Variants in SPPL2A observed in about 807,000 individuals in gnomAD.
SPPL2A encodes signal peptide peptidase like 2A, also known as signal peptide peptidase-like 2A.
Under a neutral mutation model 63.8 loss-of-function variants are expected in SPPL2A, and 51 were observed. That is an observed-to-expected ratio of 0.80 (90% CI 0.64 to 1.01). SPPL2A has a LOEUF of 1.01. Among genes scored for constraint, SPPL2A ranks in the 50% least tolerant of loss-of-function variants. The probability of loss-of-function intolerance (pLI) is 0.00; values close to 1 mark genes in which losing one functional copy is unlikely to be tolerated. For missense variants in SPPL2A, 553 were observed against 622.7 expected (o/e 0.89, Z 1.19); for synonymous variants, 188 against 205.8 (o/e 0.91, Z 0.74).
chr15:50,725,525 G>A (rs1180282378), intron 11 of SPPL2A: 7 of 393,092 alleles, frequency 1.8e-5, no homozygotes, highest in Non-Finnish European at 3.2e-5. Flanking sequence ...CCGCCTCCCA[G>A]GTTCAAGCAA....
At position 50,703,356 on chromosome 15, in the gene SPPL2A, A is replaced by ATATATATTTTTTT. The variant is rs1196710672; in HGVS notation, c.*4443_*4444insAAAAAAATATATA. 1.3e-4 allele frequency: 8 copies of ATATATATTTTTTT among 62,042 alleles called. No homozygotes were observed. Among genetic ancestry groups the ATATATATTTTTTT allele is most frequent in the East Asian group, 1.0e-3 (2 of 1,916 alleles). The allele number at this position is 62,042 out of a possible 1,614,324, so 3.8% of individuals were successfully genotyped here. ...TATATATATATATATACATATATAT[A>ATATATATTTTTTT]TTTTTTTTTTTTTTTTTTTTTTTTG... On this transcript the variant is annotated 3_prime_UTR_variant, in exon 15 of 15. Coordinates refer to ENST00000261854, the MANE Select transcript of SPPL2A (RefSeq NM_032802.4).
intron 1 of SPPL2A, among the ~76,000 whole-genome samples, chr15:50,765,008 A>C (rs2063045606): frequency 6.6e-6 from 1 of 151,938 alleles, no homozygotes; most frequent in Admixed American, 6.6e-5. Flanking sequence ...CATCCGTGTT[A>C]GTGCAATTAA....
intron 14 of SPPL2A, among the ~76,000 whole-genome samples, chr15:50,714,127 G>A (rs12324521): frequency 0.034 from 5,238 of 152,254 alleles, 114 homozygotes; most frequent in Middle Eastern, 0.1. Flanking sequence ...ATACAATTAC[G>A]ATACTACACT....
chr15:50,707,923 C>T, intron 14 of SPPL2A, 49 bp from the exon 15 acceptor site: 1 of 915,336 alleles, frequency 1.1e-6, no homozygotes, highest in African/African-American at 1.6e-5. Context: ...CAACTTGCCC[C>T]CAATATTCAC....
At position 50,713,168 on chromosome 15, in the gene SPPL2A, TGAGA is replaced by T. The variant is rs373840032; in HGVS notation, c.1489-5298_1489-5295del. Among the ~76,000 whole-genome samples, 284 of 152,154 alleles carry T rather than the reference TGAGA, an allele frequency of 1.9e-3. 1 individual carries two copies. Among genetic ancestry groups the T allele is most frequent in the African/African-American group, 6.5e-3 (271 of 41,518 alleles). On this transcript the variant is annotated intron_variant, in intron 14 of 14. Transcript: ENST00000261854. Reference sequence around the variant, plus strand: ...GATTTTAAATGTTGGACATAAACAATGAGAGATTTTCTTTTTAAAAGGGAAATAA... The same window carrying T: ...GATTTTAAATGTTGGACATAAACAATGATTTTCTTTTTAAAAGGGAAATAA...
In SPPL2A at chr15:50,706,389, CAAAAAAAAAAAAAAA is replaced by C. The variant is rs71127124; in HGVS notation, c.*1396_*1410del. The C allele has an allele frequency of 6.2e-4, 28 of 45,026 alleles. No individual in the cohort carries two copies. Among genetic ancestry groups the C allele is most frequent in the Admixed American group, 5.1e-3 (21 of 4,124 alleles). The allele number at this position is 45,026 out of a possible 1,614,324, so 2.8% of individuals were successfully genotyped here. The stretch of plus-strand genomic sequence containing the variant: ...TGGGCGACAGAGCGAGACTCCGTCT[CAAAAAAAAAAAAAAA>C]AAAAAAAAGAAAACTGAGATACAAG... On this transcript the variant is annotated 3_prime_UTR_variant, in exon 15 of 15. Coordinates refer to ENST00000261854, the MANE Select transcript of SPPL2A (RefSeq NM_032802.4).
chr15:50,750,176 T>G (rs960567638), intron 1 of SPPL2A, among the ~76,000 whole-genome samples: 1 of 152,172 alleles, frequency 6.6e-6, no homozygotes, highest in African/African-American at 2.4e-5. Context: ...CAATCTTGGC[T>G]CACTGCAACC....
chr15:50,754,479 G>A lies in SPPL2A; in HGVS notation c.67-4733C>T, dbSNP rs1338714373. On this transcript the variant is annotated intron_variant, in intron 1 of 14. Coordinates refer to ENST00000261854, the MANE Select transcript of SPPL2A (RefSeq NM_032802.4). ...AAATTGGCTGTGGTGATAGTTGCACGTATCTGTGAATATACTAAATACTAT... is the reference window on the plus strand; with the variant it reads ...AAATTGGCTGTGGTGATAGTTGCACATATCTGTGAATATACTAAATACTAT... 5.3e-5 allele frequency among the ~76,000 whole-genome samples: 8 copies of A among 152,248 alleles called. No homozygotes were observed. The South Asian group carries it at 8.3e-4, about 16-fold the overall frequency.
chr15:50,718,977 G>A (rs114186260), intron 14 of SPPL2A, among the ~76,000 whole-genome samples: 1 of 151,990 alleles, frequency 6.6e-6, no homozygotes, highest in African/African-American at 2.4e-5. Context: ...TTCATGAAGG[G>A]GTCAGTGCCA....
intron 14 of SPPL2A, among the ~76,000 whole-genome samples, chr15:50,713,010 C>A (rs901239663): frequency 6.6e-6 from 1 of 152,040 alleles, no homozygotes; most frequent in Non-Finnish European, 1.5e-5. Context: ...ATTCCCCTAC[C>A]TCCCTGTAGA....
chr15:50,756,605 G>C (rs768312663), intron 1 of SPPL2A, among the ~76,000 whole-genome samples: 12 of 151,654 alleles, frequency 7.9e-5, no homozygotes, highest in Non-Finnish European at 1.6e-4. Context: ...GCTAAAAGGG[G>C]GTGGGCATGG....
intron 10 of SPPL2A, among the ~76,000 whole-genome samples, chr15:50,729,096 G>A (rs956198593): frequency 1.3e-5 from 2 of 151,236 alleles, no homozygotes; most frequent in African/African-American, 2.4e-5. Flanking sequence ...TTACAGGCGT[G>A]AGCCACCGCA....
chr15:50,734,506 G>A (rs2062755247), intron 8 of SPPL2A, among the ~76,000 whole-genome samples: 1 of 152,100 alleles, frequency 6.6e-6, no homozygotes, highest in Non-Finnish European at 1.5e-5. Context: ...GTAGAATGAT[G>A]GTTACCAGAG....
chr15:50,705,469 C>T lies in SPPL2A; in HGVS notation c.*2331G>A, dbSNP rs1310023459. The T allele has an allele frequency of 1.3e-5, 2 of 151,846 alleles. No homozygotes were observed. Among genetic ancestry groups the T allele is most frequent in the South Asian group, 2.1e-4 (1 of 4,822 alleles). 9.4% of individuals were successfully genotyped at this position (151,846 alleles called of 1,614,324 possible). ...TTGGATGAGGGTGCAGATAATTTTA[C>T]AAAACAGCTGTATTTTGGCAAATAT... On this transcript the variant is annotated 3_prime_UTR_variant, in exon 15 of 15. Transcript: ENST00000261854.
chr15:50,754,790 C>G (rs2062940611), intron 1 of SPPL2A, among the ~76,000 whole-genome samples: 1 of 151,980 alleles, frequency 6.6e-6, no homozygotes, highest in African/African-American at 2.4e-5. Context: ...TGAGACCAGC[C>G]TGACCAACAT....
intron 1 of SPPL2A, among the ~76,000 whole-genome samples, chr15:50,753,347 C>T (rs1024104599): frequency 5.3e-5 from 8 of 152,204 alleles, no homozygotes; most frequent in African/African-American, 1.9e-4. Context: ...GCCAGCATGC[C>T]CAAACAAGTT....
In SPPL2A at chr15:50,749,350, T is replaced by C. The variant is rs150694676; in HGVS notation, c.177+286A>G. On this transcript the variant is annotated intron_variant, in intron 2 of 14. Transcript: ENST00000261854. ...TTGCCCAGGCTGGAGTGCAGTGGCATGATCTCAGCTCACTGCAAGCTCTGC... is the reference window on the plus strand; with the variant it reads ...TTGCCCAGGCTGGAGTGCAGTGGCACGATCTCAGCTCACTGCAAGCTCTGC... 6.9e-3 allele frequency among the ~76,000 whole-genome samples: 1,054 copies of C among 152,218 alleles called. 8 individuals carry two copies. Among genetic ancestry groups the C allele is most frequent in the Middle Eastern group, 0.02 (6 of 294 alleles).
rs1241814835 is a variant in SPPL2A at position 50,703,036 on chromosome 15, A to C, written c.*4764T>G. ...GTACTTTTCCTCCAGGAAATGTATA[A>C]AGTTATTTATTTTATGTTATATATC... is the stretch of plus-strand genomic sequence containing the variant. On this transcript the variant is annotated 3_prime_UTR_variant, in exon 15 of 15. Coordinates refer to ENST00000261854, the MANE Select transcript of SPPL2A (RefSeq NM_032802.4). The C allele has an allele frequency of 6.6e-6, 1 of 151,894 alleles. No homozygotes were observed. The highest frequency in any genetic ancestry group is 1.5e-5 in the Non-Finnish European group (1 of 68,004). The allele number at this position is 151,894 out of a possible 1,614,324, so 9.4% of individuals were successfully genotyped here.
chr15:50,763,242 C>A (rs1235857676), intron 1 of SPPL2A, among the ~76,000 whole-genome samples: 6 of 151,478 alleles, frequency 4.0e-5, no homozygotes, highest in Non-Finnish European at 8.8e-5. Flanking sequence ...GGAGAAAGAA[C>A]TCCAGCTGAG....
Sources: allele counts gnomAD v4.1 joint callset (sites outside exome capture counted in the v4.1 genomes callset), GRCh38; gene constraint gnomAD v4.1.1; transcripts MANE v1.5; gene names NCBI Gene and HGNC (gene_info 2026-07-23, HGNC 2026-07-21).